Variants in PLD5 observed in about 807,000 individuals in gnomAD.
PLD5 encodes phospholipase D family member 5, also known as inactive phospholipase D5.
Under a neutral mutation model 61.1 loss-of-function variants are expected in PLD5, and 36 were observed. The observed-to-expected ratio is 0.59, with a 90% CI of 0.45 to 0.78. The LOEUF (loss-of-function observed/expected upper bound fraction) is 0.78, where lower values mean the gene tolerates loss of function less well. Ranked by LOEUF, PLD5 falls within the 30% of genes least tolerant of loss-of-function variation. The pLI, the probability that PLD5 is intolerant of heterozygous loss-of-function variation, is 0.00. For missense variants in PLD5, 515 were observed against 644.4 expected, an observed-to-expected ratio of 0.80 and a Z score of 2.17; for synonymous variants, 243 against 242.8, an observed-to-expected ratio of 1.00 and a Z score of -0.01.
chr1:242,130,923 AC>A (rs1663186334), intron 5 of PLD5, among the ~76,000 whole-genome samples: 1 of 152,132 alleles, frequency 6.6e-6, no homozygotes, highest in Admixed American at 6.6e-5. Flanking sequence ...TTAGTGATGA[AC>A]CCATGGAGCT....
At chr1:242,388,573 A>G (rs1662732972) in intron 1 of PLD5, among the ~76,000 whole-genome samples, 1 of 152,170 alleles carries the variant, frequency 6.6e-6, no homozygotes. Context: ...CTGAGGCGGC[A>G]TAGTAGGGGA....
chr1:242,267,443 A>G (rs1172869229), intron 3 of PLD5, among the ~76,000 whole-genome samples: 1 of 152,208 alleles, frequency 6.6e-6, no homozygotes, highest in Non-Finnish European at 1.5e-5. Flanking sequence ...TAGTTTAAAC[A>G]AGCGTAGAAA....
At chr1:242,498,471 A>C (rs1668448332) in intron 1 of PLD5, among the ~76,000 whole-genome samples, 1 of 152,208 alleles carries the variant, frequency 6.6e-6, no homozygotes, top group Admixed American at 6.5e-5. Flanking sequence ...AAAATGTACA[A>C]AATACATTAA....
At chr1:242,150,821 A>G (rs529937040) in intron 5 of PLD5, among the ~76,000 whole-genome samples, 1 of 152,002 alleles carries the variant, frequency 6.6e-6, no homozygotes, top group East Asian at 1.9e-4. Flanking sequence ...TTAGATTAAA[A>G]TGTACTATTT....
intron 1 of PLD5, among the ~76,000 whole-genome samples, chr1:242,372,715 G>A (rs1444433377): frequency 7.9e-5 from 12 of 152,168 alleles, no homozygotes; most frequent in African/African-American, 2.7e-4. Flanking sequence ...TTTAATAAAT[G>A]GTGCTGGGAA....
intron 5 of PLD5, among the ~76,000 whole-genome samples, chr1:242,172,228 C>A (rs186409270): frequency 0.025 from 3,752 of 152,292 alleles, 168 homozygotes; most frequent in African/African-American, 0.086. Flanking sequence ...GAAATTCACT[C>A]AAAACTGCAC....
chr1:242,410,165 T>C (rs1272472962), intron 1 of PLD5, among the ~76,000 whole-genome samples: 4 of 152,132 alleles, frequency 2.6e-5, no homozygotes, highest in East Asian at 1.9e-4. Flanking sequence ...GGGTATCAAA[T>C]GGGGAACAGC....
chr1:242,316,584 T>C (rs1658003083), intron 2 of PLD5, among the ~76,000 whole-genome samples: 1 of 152,236 alleles, frequency 6.6e-6, no homozygotes, highest in Admixed American at 6.5e-5. Flanking sequence ...ATATAAACTT[T>C]ATTAATTATT....
At chr1:242,286,021 A>C (rs1675000289) in intron 3 of PLD5, among the ~76,000 whole-genome samples, 1 of 152,148 alleles carries the variant, frequency 6.6e-6, no homozygotes, top group Non-Finnish European at 1.5e-5. Flanking sequence ...AGACAGGAGA[A>C]TTGCTTGAAC....
chr1:242,472,350 G>A (rs1667470888), intron 1 of PLD5, among the ~76,000 whole-genome samples: 1 of 152,216 alleles, frequency 6.6e-6, no homozygotes, highest in African/African-American at 2.4e-5. Flanking sequence ...ATGTCTGAAT[G>A]ACCAGGCATC....
intron 5 of PLD5, among the ~76,000 whole-genome samples, chr1:242,129,119 C>A (rs368166199): frequency 6.6e-6 from 1 of 152,146 alleles, no homozygotes; most frequent in Non-Finnish European, 1.5e-5. Flanking sequence ...AACTGGGCAC[C>A]GTCTCCCTGG....
chr1:242,367,920 T>G (rs1251558760), intron 1 of PLD5, among the ~76,000 whole-genome samples: 3 of 152,098 alleles, frequency 2.0e-5, no homozygotes, highest in Non-Finnish European at 2.9e-5. Flanking sequence ...GGACTGAATA[T>G]CAAATGGATA....
intron 4 of PLD5, among the ~76,000 whole-genome samples, chr1:242,254,998 T>C (rs1672935640): frequency 6.6e-6 from 1 of 152,174 alleles, no homozygotes; most frequent in Non-Finnish European, 1.5e-5. Flanking sequence ...CATGAGCCTC[T>C]CAAGTGGCAT....
rs370754803 is a variant in PLD5, at chr1:242,288,336, T to C, written c.495+26A>G. 31 of 1,592,806 alleles carry C rather than the reference T, an allele frequency of 1.9e-5. No homozygotes were observed. In the African/African-American group the frequency reaches 3.4e-4, roughly 17 times the overall value. ...TGGAAAATGCACATAAGTAAAATCATCACACACACAGAGGATGTAGCTTAC... is the reference window on the plus strand; with the variant it reads ...TGGAAAATGCACATAAGTAAAATCACCACACACACAGAGGATGTAGCTTAC... On this transcript the variant is annotated intron_variant, in intron 3 of 9. Coordinates refer to ENST00000536534, the MANE Select transcript of PLD5 (RefSeq NM_001372062.1).
chr1:242,464,961 G>T (rs1667230102), intron 1 of PLD5, among the ~76,000 whole-genome samples: 1 of 152,196 alleles, frequency 6.6e-6, no homozygotes, highest in Non-Finnish European at 1.5e-5. Flanking sequence ...ATCTACAGAA[G>T]TAGAAATTAT....
intron 5 of PLD5, among the ~76,000 whole-genome samples, chr1:242,137,581 G>A (rs755780170): frequency 6.6e-6 from 1 of 152,116 alleles, no homozygotes; most frequent in Non-Finnish European, 1.5e-5. Context: ...CTTGTAGGGG[G>A]AAATGTGTTG....
chr1:242,298,916 T>A (rs1326172386), intron 2 of PLD5, among the ~76,000 whole-genome samples: 4 of 152,040 alleles, frequency 2.6e-5, no homozygotes, highest in Admixed American at 6.6e-5. Flanking sequence ...TGCACCTACC[T>A]GTTGATATTT....
chr1:242,160,139 G>T (rs147052399), intron 5 of PLD5, among the ~76,000 whole-genome samples: 2 of 152,122 alleles, frequency 1.3e-5, no homozygotes, highest in African/African-American at 4.8e-5. Flanking sequence ...AGCCTCCCAA[G>T]TAGCCAGAAC....
intron 9 of PLD5, among the ~76,000 whole-genome samples, chr1:242,100,075 T>G (rs538190516): frequency 6.2e-4 from 94 of 152,340 alleles, no homozygotes; most frequent in African/African-American, 2.2e-3. Context: ...AATTGGGTAT[T>G]ATCTATGTGC....
Sources: allele counts gnomAD v4.1 joint callset (sites outside exome capture counted in the v4.1 genomes callset), GRCh38; gene constraint gnomAD v4.1.1; transcripts MANE v1.5; gene names NCBI Gene and HGNC (gene_info 2026-07-23, HGNC 2026-07-21).